KCNH8: variants seen among roughly 807,000 people sequenced by gnomAD.
The protein encoded by KCNH8 is voltage-gated delayed rectifier potassium channel KCNH8.
KCNH8 carries 70 observed loss-of-function variants against 103.6 expected under a neutral mutation model. The ratio of observed to expected loss-of-function variants is 0.68; its 90% CI spans 0.56 to 0.82. The LOEUF is 0.82. KCNH8 is among the 40% of genes least tolerant of loss of function. The pLI is 0.00. For missense variants in KCNH8, 1,217 were observed against 1,329.9 expected, an observed-to-expected ratio of 0.92 and a Z score of 1.32; for synonymous variants, 498 against 489.4, an observed-to-expected ratio of 1.02 and a Z score of -0.23.
chr3:19,429,650 T>A (rs2067089841), intron 7 of KCNH8, among the ~76,000 whole-genome samples: 1 of 152,164 alleles, frequency 6.6e-6, no homozygotes, highest in African/African-American at 2.4e-5. Flanking sequence ...CATGCGAGTT[T>A]TTGTACAGAT....
Position 19,390,624 on chromosome 3 carries a change from TTCAACGTCACAGTGG to T in KCNH8, c.957_969+2del. 8 of 1,613,084 alleles carry T rather than the reference TTCAACGTCACAGTGG, an allele frequency of 5.0e-6. No homozygotes were observed. The highest frequency in any genetic ancestry group is 6.8e-6 in the Non-Finnish European group (8 of 1,179,436). ...CCTGCCTTTTGATCTTCTGTATGCT[TTCAACGTCACAGTGG>T]TGAGTAAAGAGCTCCCCGCCACATG... is the stretch of plus-strand genomic sequence containing the variant. On this transcript the variant is annotated splice_donor_variant and coding_sequence_variant, in exon 6 of 16. Transcript: ENST00000328405. LOFTEE classifies it high-confidence loss of function.
intron 7 of KCNH8, among the ~76,000 whole-genome samples, chr3:19,424,430 C>T (rs949814258): frequency 1.3e-5 from 2 of 152,046 alleles, no homozygotes; most frequent in African/African-American, 4.8e-5. Context: ...GAAACTGGAT[C>T]CTCATCTCTC....
At position 19,404,142 on chromosome 3, in the gene KCNH8, C is replaced by T. The variant is rs542597039; in HGVS notation, c.1177+8831C>T. Among the ~76,000 whole-genome samples the T allele has an allele frequency of 4.8e-3, 737 of 152,034 alleles. 2 individuals carry two copies. Among genetic ancestry groups the T allele is most frequent in the Middle Eastern group, 0.01 (3 of 294 alleles). On this transcript the variant is annotated intron_variant, in intron 7 of 15. Coordinates refer to ENST00000328405, the MANE Select transcript of KCNH8 (RefSeq NM_144633.3). ...GAGAAAACTAATCATTTCACCTGCT[C>T]TTCACTCTCTATCCTGTTGCTTTTT... is the stretch of plus-strand genomic sequence containing the variant.
At chr3:19,463,236 C>A (rs181412886) in intron 11 of KCNH8, among the ~76,000 whole-genome samples, 15 of 152,164 alleles carry the variant, frequency 9.9e-5, no homozygotes, top group African/African-American at 2.9e-4. Flanking sequence ...ACTAAGGGAC[C>A]ACTGTACCTA....
chr3:19,315,350 G>T (rs917213505), intron 3 of KCNH8, among the ~76,000 whole-genome samples: 1 of 151,958 alleles, frequency 6.6e-6, no homozygotes, highest in Admixed American at 6.6e-5. Flanking sequence ...ACACAACTAA[G>T]GTAATGAGAA....
chr3:19,265,739 G>C (rs1339277296), intron 2 of KCNH8, among the ~76,000 whole-genome samples: 1 of 151,870 alleles, frequency 6.6e-6, no homozygotes, highest in Non-Finnish European at 1.5e-5. Context: ...AGTTGGATAG[G>C]AATTATAAAA....
In KCNH8 at chr3:19,192,896, G is replaced by A. The variant is rs115659746; in HGVS notation, c.76+44101G>A. On this transcript the variant is annotated intron_variant, in intron 1 of 15. Transcript: ENST00000328405. The stretch of plus-strand genomic sequence containing the variant: ...TCAGTTTGAAATTCTTGTAGCAGGT[G>A]TATTTAGAAAAGGTCTACAAACTTA... 4.6e-3 allele frequency among the ~76,000 whole-genome samples: 702 copies of A among 151,674 alleles called. 5 individuals carry two copies. Among genetic ancestry groups the A allele is most frequent in the African/African-American group, 0.016 (669 of 41,452 alleles).
intron 1 of KCNH8, among the ~76,000 whole-genome samples, chr3:19,166,729 A>T (rs942295093): frequency 2.6e-5 from 4 of 152,198 alleles, no homozygotes; most frequent in African/African-American, 9.7e-5. Context: ...TTGAAAGTCA[A>T]ATCAAGGATG....
intron 5 of KCNH8, among the ~76,000 whole-genome samples, chr3:19,381,043 C>T (rs1005415815): frequency 3.3e-5 from 5 of 152,002 alleles, no homozygotes; most frequent in Non-Finnish European, 5.9e-5. Flanking sequence ...TAGAACACCT[C>T]GTATTTATAA....
chr3:19,439,048 G>A (rs1034199868), intron 8 of KCNH8, among the ~76,000 whole-genome samples: 4 of 152,038 alleles, frequency 2.6e-5, no homozygotes, highest in African/African-American at 9.7e-5. Context: ...TTCAGTCTTC[G>A]CACTTCTCTC....
chr3:19,353,420 GACAAA>G (rs2065833069), intron 5 of KCNH8, among the ~76,000 whole-genome samples: 1 of 151,952 alleles, frequency 6.6e-6, no homozygotes, highest in Admixed American at 6.6e-5. Flanking sequence ...GCCTGGCAGA[GACAAA>G]ACAAAAAAAG....
intron 6 of KCNH8, among the ~76,000 whole-genome samples, chr3:19,392,858 C>G (rs1559305596): frequency 6.6e-6 from 1 of 152,004 alleles, no homozygotes; most frequent in Non-Finnish European, 1.5e-5. Flanking sequence ...CTATCATTTA[C>G]CATCTGAGTA....
chr3:19,209,277 A>T (rs1003257302), intron 1 of KCNH8, among the ~76,000 whole-genome samples: 2 of 152,092 alleles, frequency 1.3e-5, no homozygotes, highest in African/African-American at 4.8e-5. Flanking sequence ...TCACATGCAA[A>T]CCAAGTCTTT....
chr3:19,280,757 G>A (rs1445680522), intron 2 of KCNH8, among the ~76,000 whole-genome samples: 3 of 151,878 alleles, frequency 2.0e-5, no homozygotes, highest in African/African-American at 4.8e-5. Context: ...TTTTATTTTA[G>A]CATTCTGTTG....
At chr3:19,411,646 A>C (rs2066781045) in intron 7 of KCNH8, among the ~76,000 whole-genome samples, 1 of 152,030 alleles carries the variant, frequency 6.6e-6, no homozygotes, top group African/African-American at 2.4e-5. Context: ...GAAACTGATA[A>C]ACAACTTCAG....
intron 11 of KCNH8, among the ~76,000 whole-genome samples, chr3:19,461,216 A>T (rs1559338022): frequency 2.0e-5 from 3 of 152,148 alleles, no homozygotes; most frequent in African/African-American, 7.2e-5. Context: ...GGCAGATGGG[A>T]CCTTCATTGT....
chr3:19,163,480 A>G (rs2063253674), intron 1 of KCNH8, among the ~76,000 whole-genome samples: 1 of 152,096 alleles, frequency 6.6e-6, no homozygotes, highest in Non-Finnish European at 1.5e-5. Context: ...ACTTCATAAA[A>G]TCATTTTCAA....
At chr3:19,351,000 G>C (rs1319069435) in intron 5 of KCNH8, among the ~76,000 whole-genome samples, 2 of 152,034 alleles carry the variant, frequency 1.3e-5, no homozygotes, top group African/African-American at 4.8e-5. Context: ...AAGATTAGAT[G>C]AATGGCTAAC....
intron 5 of KCNH8, among the ~76,000 whole-genome samples, chr3:19,378,088 G>A (rs779838385): frequency 6.6e-6 from 1 of 152,070 alleles, no homozygotes; most frequent in Non-Finnish European, 1.5e-5. Flanking sequence ...AATCATTTAG[G>A]GACTGAGACA....
Sources: allele counts gnomAD v4.1 joint callset (sites outside exome capture counted in the v4.1 genomes callset), GRCh38; gene constraint gnomAD v4.1.1; transcripts MANE v1.5; gene names NCBI Gene and HGNC (gene_info 2026-07-23, HGNC 2026-07-21).